Variants in STPG2 observed in about 807,000 individuals in gnomAD.
STPG2 encodes the protein sperm-tail PG-rich repeat-containing protein 2.
STPG2 carries 56 observed loss-of-function variants against 54.2 expected under a neutral mutation model. The observed-to-expected ratio is 1.03, with a 90% CI of 0.83 to 1.29. The LOEUF (loss-of-function observed/expected upper bound fraction) is 1.29, where lower values mean the gene tolerates loss of function less well. Among genes scored for constraint, STPG2 ranks in the 50% most tolerant of loss-of-function variants. STPG2 has a pLI of 0.00. For missense variants in STPG2, 596 were observed against 544.9 expected, an observed-to-expected ratio of 1.09 and a Z score of -0.93; for synonymous variants, 200 against 181.8, an observed-to-expected ratio of 1.10 and a Z score of -0.81.
chr4:97,886,894 A>G (rs1377471965), intron 8 of STPG2, among the ~76,000 whole-genome samples: 3 of 152,152 alleles, frequency 2.0e-5, no homozygotes, highest in African/African-American at 7.2e-5. Context: ...AGTTATAATG[A>G]GATAAGATTG....
At chr4:97,567,328 A>G (rs901633583) in intron 10 of STPG2, among the ~76,000 whole-genome samples, 2 of 151,318 alleles carry the variant, frequency 1.3e-5, no homozygotes, top group African/African-American at 2.4e-5. Flanking sequence ...ACTGTTGGTG[A>G]GGCTGTGTGG....
chr4:97,732,393 G>A (rs552389572), intron 9 of STPG2, among the ~76,000 whole-genome samples: 44 of 152,194 alleles, frequency 2.9e-4, no homozygotes, highest in Non-Finnish European at 4.4e-4. Context: ...AGTTTCATTC[G>A]TCTTCATATG....
chr4:97,623,474 T>C (rs935972939), intron 10 of STPG2, among the ~76,000 whole-genome samples: 2 of 151,994 alleles, frequency 1.3e-5, no homozygotes, highest in Admixed American at 6.6e-5. Flanking sequence ...AAGGAAGACA[T>C]ACATGTGGCC....
intron 8 of STPG2, among the ~76,000 whole-genome samples, chr4:97,901,037 T>C (rs531011987): frequency 5.3e-4 from 80 of 152,042 alleles, no homozygotes; most frequent in African/African-American, 1.9e-3. Flanking sequence ...ACATTGCAAG[T>C]TCAAGATTTT....
chr4:97,611,826 T>TA (rs1442369479), intron 10 of STPG2, among the ~76,000 whole-genome samples: 1 of 151,830 alleles, frequency 6.6e-6, no homozygotes, highest in Non-Finnish European at 1.5e-5. Flanking sequence ...GGATTATAGT[T>TA]ACATGCAAAA....
intron 9 of STPG2, among the ~76,000 whole-genome samples, chr4:97,782,780 T>C (rs1181830521): frequency 6.6e-6 from 1 of 151,992 alleles, no homozygotes; most frequent in African/African-American, 2.4e-5. Context: ...ATATCACACA[T>C]CTACAACCAT....
chr4:97,487,211 C>T (rs535370949), intron 4 of STPG2, among the ~76,000 whole-genome samples: 2 of 150,676 alleles, frequency 1.3e-5, no homozygotes, highest in African/African-American at 2.4e-5. Flanking sequence ...AAAAAAAAAC[C>T]CAGACCAGGA....
chr4:97,852,463 A>G (rs541242565), intron 8 of STPG2, among the ~76,000 whole-genome samples: 99 of 152,236 alleles, frequency 6.5e-4, no homozygotes, highest in Non-Finnish European at 7.8e-4. Flanking sequence ...CTCACCATGA[A>G]GTATGTGGAA....
rs574204250 is a variant in STPG2, at chr4:97,566,162, C to G, written c.1321-7045G>C. On this transcript the variant is annotated intron_variant, in intron 10 of 10. Coordinates refer to ENST00000295268, the MANE Select transcript of STPG2 (RefSeq NM_174952.3). Reference sequence around the variant, plus strand: ...ATGGCGGGTGCCTCTCCCCCAGCCTCGCTGCCACCTTGCAGTTTGATCTCA... The same window carrying G: ...ATGGCGGGTGCCTCTCCCCCAGCCTGGCTGCCACCTTGCAGTTTGATCTCA... Among the ~76,000 whole-genome samples, 15 of 152,302 alleles carry G rather than the reference C, an allele frequency of 9.8e-5. No homozygotes were observed. The South Asian group carries it at 2.3e-3, about 23-fold the overall frequency.
intron 6 of STPG2, among the ~76,000 whole-genome samples, chr4:97,976,938 A>G (rs977767240): frequency 2.6e-5 from 4 of 152,222 alleles, no homozygotes. Context: ...TTTCAGATTC[A>G]TGATATATAA....
At chr4:98,115,904 G>A (rs1413116887) in intron 3 of STPG2, among the ~76,000 whole-genome samples, 1 of 151,820 alleles carries the variant, frequency 6.6e-6, no homozygotes, top group Non-Finnish European at 1.5e-5. Flanking sequence ...AATTCCGTTT[G>A]TATTAAACTT....
intron 8 of STPG2, among the ~76,000 whole-genome samples, chr4:97,871,280 TAAAG>T (rs1014675312): frequency 2.0e-5 from 3 of 150,674 alleles, no homozygotes; most frequent in African/African-American, 7.3e-5. Flanking sequence ...AGAAAGGAAA[TAAAG>T]AAAAAGGGCA....
intron 10 of STPG2, among the ~76,000 whole-genome samples, chr4:97,606,601 G>A (rs1733599378): frequency 6.6e-6 from 1 of 151,864 alleles, no homozygotes; most frequent in Admixed American, 6.6e-5. Flanking sequence ...TTCACTGGCT[G>A]TTTTTATTTC....
At chr4:97,914,378 C>A (rs1264484123) in intron 8 of STPG2, among the ~76,000 whole-genome samples, 1 of 152,078 alleles carries the variant, frequency 6.6e-6, no homozygotes, top group Non-Finnish European at 1.5e-5. Flanking sequence ...AAATAGCTCA[C>A]CAGGAAAATA....
chr4:97,709,924 T>C (rs2149005373), intron 10 of STPG2, among the ~76,000 whole-genome samples: 1 of 151,992 alleles, frequency 6.6e-6, no homozygotes, highest in South Asian at 2.1e-4. Context: ...AAATCCTGAT[T>C]TTCCATTTTG....
At chr4:97,977,300 T>C (rs1055513001) in intron 6 of STPG2, among the ~76,000 whole-genome samples, 40 of 152,172 alleles carry the variant, frequency 2.6e-4, no homozygotes, top group Non-Finnish European at 1.3e-4. Flanking sequence ...ACTAATCAAA[T>C]TGCTATAACT....
intron 9 of STPG2, among the ~76,000 whole-genome samples, chr4:97,777,639 G>C (rs1379154975): frequency 6.6e-6 from 1 of 152,062 alleles, no homozygotes; most frequent in African/African-American, 2.4e-5. Context: ...GCTACTCCTT[G>C]GTTGGTTTTA....
chr4:97,939,981 T>G (rs1275328784), intron 8 of STPG2, among the ~76,000 whole-genome samples: 1 of 152,202 alleles, frequency 6.6e-6, no homozygotes, highest in Non-Finnish European at 1.5e-5. Context: ...CAAGATCTCT[T>G]GTAAGGCAGG....
chr4:98,119,884 T>A (rs994260646), intron 3 of STPG2, among the ~76,000 whole-genome samples: 2 of 152,144 alleles, frequency 1.3e-5, no homozygotes, highest in Admixed American at 6.5e-5. Context: ...GGCTTCCAGC[T>A]CCATCCATGT....
Sources: gnomAD v4.1 joint callset for allele counts (sites outside exome capture counted in the v4.1 genomes callset) on GRCh38, gnomAD v4.1.1 for gene constraint, MANE v1.5 for transcripts, NCBI Gene and HGNC (gene_info 2026-07-23, HGNC 2026-07-21) for gene names.